The following HECW2 variants were observed in gnomAD, a reference collection of about 807,000 sequenced individuals.
HECW2 encodes the protein E3 ubiquitin-protein ligase HECW2.
A neutral mutation model predicts 175.2 loss-of-function variants in HECW2; 61 were observed. That is an observed-to-expected ratio of 0.35 (90% confidence interval 0.28 to 0.43). HECW2 has a LOEUF of 0.43. Ranked by LOEUF, HECW2 falls within the 20% of genes least tolerant of loss-of-function variation. The probability of loss-of-function intolerance (pLI) is 1.00; values close to 1 mark genes in which losing one functional copy is unlikely to be tolerated. For missense variants in HECW2, 1,524 were observed against 2,000.5 expected, an observed-to-expected ratio of 0.76 and a Z score of 4.54; for synonymous variants, 671 against 731.0, an observed-to-expected ratio of 0.92 and a Z score of 1.32.
chr2:196,474,719 T>C (rs1329510856), intron 1 of HECW2, among the ~76,000 whole-genome samples: 1 of 152,224 alleles, frequency 6.6e-6, no homozygotes, highest in East Asian at 1.9e-4. Context: ...TCCATTGCCA[T>C]CTTTTTTTAG....
intron 2 of HECW2, among the ~76,000 whole-genome samples, chr2:196,347,505 C>T (rs543485240): frequency 6.6e-6 from 1 of 152,352 alleles, no homozygotes; most frequent in East Asian, 1.9e-4. Context: ...AGCCACCACA[C>T]CTGGCCTGGT....
chr2:196,569,437 A>G (rs970797055), intron 1 of HECW2, among the ~76,000 whole-genome samples: 1 of 152,170 alleles, frequency 6.6e-6, no homozygotes, highest in East Asian at 1.9e-4. Flanking sequence ...AAATACCATA[A>G]AGAAGAAAAT....
intron 1 of HECW2, among the ~76,000 whole-genome samples, chr2:196,496,444 T>C (rs1444652460): frequency 1.3e-5 from 2 of 152,148 alleles, no homozygotes; most frequent in African/African-American, 2.4e-5. Context: ...TATACATGCA[T>C]GCATACATAT....
intron 21 of HECW2, among the ~76,000 whole-genome samples, chr2:196,236,682 T>C (rs747245776): frequency 2.0e-5 from 3 of 152,220 alleles, no homozygotes; most frequent in African/African-American, 4.8e-5. Flanking sequence ...GTAAGGTATC[T>C]TGTACAATGT....
intron 2 of HECW2, among the ~76,000 whole-genome samples, chr2:196,393,546 CG>C (rs911673575): frequency 6.6e-6 from 1 of 152,042 alleles, no homozygotes; most frequent in Non-Finnish European, 1.5e-5. Context: ...AACAGACACA[CG>C]AAAAAATGCT....
At chr2:196,220,286 C>A (rs1201778381) in intron 25 of HECW2, 133 bp from the exon 26 acceptor site, 5 of 633,892 alleles carry the variant, frequency 7.9e-6, no homozygotes, top group Non-Finnish European at 1.4e-5. Context: ...ACTTGAAAAC[C>A]TGTAAAGCTC....
chr2:196,472,613 TTTTC>T (rs1216813319), intron 1 of HECW2, among the ~76,000 whole-genome samples: 1 of 152,004 alleles, frequency 6.6e-6, no homozygotes, highest in East Asian at 1.9e-4. Context: ...GATGACTTTT[TTTTC>T]TTTTTCTTTT....
At chr2:196,203,759 A>G (rs1161413859) in intron 28 of HECW2, among the ~76,000 whole-genome samples, 1 of 152,214 alleles carries the variant, frequency 6.6e-6, no homozygotes, top group Non-Finnish European at 1.5e-5. Flanking sequence ...AGTGCACAGT[A>G]CCATGGCATT....
chr2:196,560,331 A>G (rs1366975645), intron 1 of HECW2, among the ~76,000 whole-genome samples: 1 of 152,058 alleles, frequency 6.6e-6, no homozygotes, highest in Non-Finnish European at 1.5e-5. Flanking sequence ...TTTTTAGTAG[A>G]GACGGGGTTT....
At chr2:196,241,918 C>A (rs1309043771) in intron 20 of HECW2, among the ~76,000 whole-genome samples, 166 bp downstream of exon 20, 1 of 152,122 alleles carries the variant, frequency 6.6e-6, no homozygotes, top group African/African-American at 2.4e-5. Flanking sequence ...ATGTTTCATT[C>A]CAGGACTATG....
At chr2:196,425,333 ATGGGCCAAGGAGTAATTT>A (rs1695513586) in intron 2 of HECW2, among the ~76,000 whole-genome samples, 1 of 152,060 alleles carries the variant, frequency 6.6e-6, no homozygotes, top group African/African-American at 2.4e-5. Context: ...TCTGTAGCCC[ATGGGCCAAGGAGTAATTT>A]TGAATTTCAA....
chr2:196,329,075 A>C (rs1378653130), intron 5 of HECW2, among the ~76,000 whole-genome samples: 5 of 152,160 alleles, frequency 3.3e-5, no homozygotes, highest in Non-Finnish European at 7.4e-5. Flanking sequence ...CATAACTTGA[A>C]AAGCCGTGCT....
At chr2:196,472,530 A>C (rs1471189528) in intron 1 of HECW2, among the ~76,000 whole-genome samples, 1 of 151,052 alleles carries the variant, frequency 6.6e-6, no homozygotes, top group Non-Finnish European at 1.5e-5. Context: ...ACTGTTTAGG[A>C]CCCAAACATA....
intron 2 of HECW2, among the ~76,000 whole-genome samples, chr2:196,370,834 A>G (rs918391312): frequency 2.0e-5 from 3 of 152,104 alleles, no homozygotes; most frequent in African/African-American, 7.2e-5. Context: ...AAGTCCCACA[A>G]TCACTGCATT....
chr2:196,323,437 T>C (rs1375209091), intron 6 of HECW2, among the ~76,000 whole-genome samples: 2 of 152,222 alleles, frequency 1.3e-5, no homozygotes, highest in African/African-American at 4.8e-5. Context: ...ACCTAAATTA[T>C]TTCACTGCTT....
At chr2:196,460,022 C>T (rs114781977) in intron 1 of HECW2, among the ~76,000 whole-genome samples, 1,768 of 152,266 alleles carry the variant, frequency 0.012, 39 homozygotes, top group African/African-American at 0.041. Flanking sequence ...TTCTTCTCAC[C>T]CTCCAATTGT....
intron 1 of HECW2, among the ~76,000 whole-genome samples, chr2:196,548,564 A>G (rs1007868509): frequency 2.6e-5 from 4 of 152,212 alleles, no homozygotes; most frequent in African/African-American, 9.6e-5. Context: ...TAGCTGCCCC[A>G]TTCTACTTTG....
intron 19 of HECW2, among the ~76,000 whole-genome samples, chr2:196,248,820 C>T (rs993615605): frequency 6.6e-6 from 1 of 152,132 alleles, no homozygotes; most frequent in African/African-American, 2.4e-5. Context: ...ATAATTCCCT[C>T]TCACAACCCA....
At chr2:196,426,026 C>G (rs2125254827) in intron 2 of HECW2, among the ~76,000 whole-genome samples, 1 of 152,280 alleles carries the variant, frequency 6.6e-6, no homozygotes, top group Admixed American at 6.5e-5. Context: ...CCACCCTGAT[C>G]AGTCAGCAGC....
Sources: gnomAD v4.1 joint callset for allele counts (sites outside exome capture counted in the v4.1 genomes callset) on GRCh38, gnomAD v4.1.1 for gene constraint, MANE v1.5 for transcripts, NCBI Gene and HGNC (gene_info 2026-07-23, HGNC 2026-07-21) for gene names.